Variants in SYT10 observed in about 807,000 individuals in gnomAD.
SYT10 encodes synaptotagmin-10.
SYT10 carries 31 observed loss-of-function variants against 51.1 expected under a neutral mutation model. The observed-to-expected ratio is 0.61, with a 90% CI of 0.46 to 0.82. The LOEUF is 0.82. Ranked by LOEUF, SYT10 falls within the 40% of genes least tolerant of loss-of-function variation. The pLI, the probability that SYT10 is intolerant of heterozygous loss-of-function variation, is 0.00. For missense variants in SYT10, 603 were observed against 634.0 expected (o/e 0.95, Z 0.53); for synonymous variants, 233 against 225.9 (o/e 1.03, Z -0.28).
At chr12:33,406,409 T>C (rs1187545993) in intron 3 of SYT10, among the ~76,000 whole-genome samples, 1 of 152,114 alleles carries the variant, frequency 6.6e-6, no homozygotes. Flanking sequence ...TCATTATTCT[T>C]AAAGAGTGAA....
rs183305977 is a variant in SYT10 at position 33,391,891 on chromosome 12, A to G, written c.1078-6600T>C. 1.3e-3 allele frequency among the ~76,000 whole-genome samples: 203 copies of G among 152,340 alleles called. 1 individual carries two copies. Among genetic ancestry groups the G allele is most frequent in the African/African-American group, 4.2e-3 (175 of 41,588 alleles). ...GACTTCCGTTAGTTGCAGGAGAGGC[A>G]TCTACTGTTTGAAGGAGTGAAAGCT... On this transcript the variant is annotated intron_variant, in intron 3 of 6. Coordinates refer to ENST00000228567, the MANE Select transcript of SYT10 (RefSeq NM_198992.4).
chr12:33,412,831 G>A (rs1254763660), intron 2 of SYT10, among the ~76,000 whole-genome samples: 1 of 152,162 alleles, frequency 6.6e-6, no homozygotes, highest in Non-Finnish European at 1.5e-5. Flanking sequence ...AAAGCTGGAT[G>A]GAGAAAGATT....
chr12:33,416,628 T>C (rs1311549815), intron 2 of SYT10, among the ~76,000 whole-genome samples: 1 of 152,178 alleles, frequency 6.6e-6, no homozygotes, highest in Non-Finnish European at 1.5e-5. Context: ...CTTCCAATGA[T>C]GTTCTCTACT....
chr12:33,398,309 C>G (rs530746396), intron 3 of SYT10, among the ~76,000 whole-genome samples: 2 of 151,814 alleles, frequency 1.3e-5, no homozygotes, highest in Non-Finnish European at 1.5e-5. Context: ...GTCAGGAGAT[C>G]GAGACCATCC....
At chr12:33,431,824 G>A (rs1866599234) in intron 1 of SYT10, among the ~76,000 whole-genome samples, 1 of 152,142 alleles carries the variant, frequency 6.6e-6, no homozygotes, top group African/African-American at 2.4e-5. Context: ...AATGGGTGGT[G>A]AAGGTGGTGA....
rs1204435156 is a variant in SYT10 at position 33,407,049 on chromosome 12, T to A, written c.817A>T (p.Met273Leu). 1 of 1,614,070 alleles carries A rather than the reference T, an allele frequency of 6.2e-7. No individual in the cohort carries two copies. The highest frequency in any genetic ancestry group is 8.5e-7 in the Non-Finnish European group (1 of 1,180,034). ...FTGTSDPYVK[M>L]YLLPDRKKKF... ...TTTTTCCTATCTGGAAGAAGATACA[T>A]CTTCACATAAGGGTCAGAAGTTCCT... is the stretch of plus-strand genomic sequence containing the variant. The change falls in exon 3 of 7, where the codon ATG (methionine) becomes TTG (leucine). Residue 273 changes from methionine (M) to leucine (L), a missense_variant. Coordinates refer to ENST00000228567, the MANE Select transcript of SYT10 (RefSeq NM_198992.4).
rs370913713 is a variant in SYT10 at position 33,412,784 on chromosome 12, G to A, written c.510-5428C>T. Among the ~76,000 whole-genome samples the A allele has an allele frequency of 2.0e-4, 30 of 152,220 alleles. No individual in the cohort carries two copies. The East Asian group carries it at 2.7e-3, about 14-fold the overall frequency. On this transcript the variant is annotated intron_variant, in intron 2 of 6. Coordinates refer to ENST00000228567, the MANE Select transcript of SYT10 (RefSeq NM_198992.4). Reference sequence around the variant, plus strand: ...TTCTAAAAATCAGAGCACCTCTCCCGCTCCAAAGGAATGCAGCTCCTCGCC... The same window carrying A: ...TTCTAAAAATCAGAGCACCTCTCCCACTCCAAAGGAATGCAGCTCCTCGCC...
At chr12:33,427,655 G>C (rs1866563930) in intron 1 of SYT10, among the ~76,000 whole-genome samples, 2 of 152,130 alleles carry the variant, frequency 1.3e-5, no homozygotes, top group Non-Finnish European at 2.9e-5. Flanking sequence ...GTTTTGCATT[G>C]CTTGCCATAG....
rs571571491 is a variant in SYT10 at position 33,413,780 on chromosome 12, G to A, written c.510-6424C>T. On this transcript the variant is annotated intron_variant, in intron 2 of 6. Transcript: ENST00000228567. ...CTAGGAAGAAACTGCATCAACTAAC[G>A]AGCAAAATAACCAGCTAACATCATA... Among the ~76,000 whole-genome samples, 428 of 152,226 alleles carry A rather than the reference G, an allele frequency of 2.8e-3. 2 individuals are homozygous for A. The highest frequency in any genetic ancestry group is 9.8e-3 in the African/African-American group (406 of 41,538).
chr12:33,439,415 G>A lies in SYT10; in HGVS notation c.108C>T (p.Gly36=), dbSNP rs1258059372. Residue 36 remains glycine, a synonymous_variant, in exon 1 of 7, where the codon GGC becomes GGT. Coordinates refer to ENST00000228567, the MANE Select transcript of SYT10 (RefSeq NM_198992.4). ...GGCTGCCCCTGTCCCGAGGGAAGAT[G>A]CCCGAGCACTTCTCCCACTCCACCT... ...AGQVEWEKCS[G]IFPRDRGSQG... 1.9e-6 allele frequency: 3 copies of A among 1,614,002 alleles called. No individual in the cohort carries two copies. The highest frequency in any genetic ancestry group is 1.3e-5 in the African/African-American group (1 of 74,932).
At chr12:33,433,910 C>A (rs1479870309) in intron 1 of SYT10, among the ~76,000 whole-genome samples, 1 of 152,088 alleles carries the variant, frequency 6.6e-6, no homozygotes, top group Non-Finnish European at 1.5e-5. Context: ...TCTAAGAAGC[C>A]CTGGTTTCTT....
At chr12:33,389,211 G>A (rs1866183163) in intron 3 of SYT10, among the ~76,000 whole-genome samples, 1 of 152,134 alleles carries the variant, frequency 6.6e-6, no homozygotes. Context: ...TGTCTTCTAT[G>A]GGCAAGGTGT....
At position 33,439,442 on chromosome 12, in the gene SYT10, G is replaced by A; in HGVS notation, c.81C>T (p.Gly27=). ...LHIVTELCFA[G]QVEWEKCSGI... is the part of the protein sequence containing the mutation. ...CCGAGCACTTCTCCCACTCCACCTG[G>A]CCGGCGAAGCACAGCTCGGTGACGA... Residue 27 remains glycine, a synonymous_variant, in exon 1 of 7, where the codon GGC becomes GGT. Transcript: ENST00000228567. 1 of 1,614,236 alleles carries A rather than the reference G, an allele frequency of 6.2e-7. No homozygotes were observed. The highest frequency in any genetic ancestry group is 8.5e-7 in the Non-Finnish European group (1 of 1,180,038).
intron 2 of SYT10, among the ~76,000 whole-genome samples, chr12:33,408,502 A>G (rs932012658): frequency 6.6e-6 from 1 of 152,174 alleles, no homozygotes; most frequent in Non-Finnish European, 1.5e-5. Context: ...TGCTGCTTTT[A>G]TACTTACTCC....
intron 2 of SYT10, chr12:33,407,980 T>C (rs1485002451): frequency 6.6e-6 from 1 of 152,210 alleles, no homozygotes; most frequent in Non-Finnish European, 1.5e-5. Flanking sequence ...TAAAAACAAT[T>C]CTAAAGAAAC....
chr12:33,406,540 G>C (rs1905428), intron 3 of SYT10, among the ~76,000 whole-genome samples: 93,170 of 151,936 alleles, frequency 0.61, 29,748 homozygotes, highest in East Asian at 0.89. Context: ...TTTTAAAGGA[G>C]AAATAGCCTA....
chr12:33,389,301 C>T (rs1211842076), intron 3 of SYT10, among the ~76,000 whole-genome samples: 1 of 152,032 alleles, frequency 6.6e-6, no homozygotes, highest in African/African-American at 2.4e-5. Flanking sequence ...GTTAAAAATA[C>T]CAAATCTTCC....
intron 3 of SYT10, chr12:33,405,458 A>G (rs759294329): frequency 2.0e-5 from 3 of 152,112 alleles, no homozygotes; most frequent in African/African-American, 7.2e-5. Context: ...AGAGATTATG[A>G]CACAAAAATC....
Position 33,375,612 on chromosome 12 carries a change from T to C in SYT10, c.*1218A>G, listed in dbSNP as rs1866056032. 6.6e-6 allele frequency: 1 copy of C among 152,148 alleles called. No individual in the cohort carries two copies. Among genetic ancestry groups the C allele is most frequent in the Non-Finnish European group, 1.5e-5 (1 of 67,988 alleles). The allele number at this position is 152,148 out of a possible 1,614,324, so 9.4% of individuals were successfully genotyped here. A position where few individuals can be genotyped will look rare whatever the true frequency, so the allele number is the denominator to read the frequency against. On this transcript the variant is annotated 3_prime_UTR_variant, in exon 7 of 7. Transcript: ENST00000228567. Reference sequence around the variant, plus strand: ...ACACTTGCATAGTTTTTACATGTAGTGGCCTGAACCTTGATCCTTATGAAG... The same window carrying C: ...ACACTTGCATAGTTTTTACATGTAGCGGCCTGAACCTTGATCCTTATGAAG...
Sources: gnomAD v4.1 joint callset for allele counts (sites outside exome capture counted in the v4.1 genomes callset) on GRCh38, gnomAD v4.1.1 for gene constraint, MANE v1.5 for transcripts, NCBI Gene and HGNC (gene_info 2026-07-23, HGNC 2026-07-21) for gene names.